The following GRM8 variants were observed in gnomAD, a reference collection of about 807,000 sequenced individuals.
GRM8 encodes glutamate metabotropic receptor 8.
Under a neutral mutation model 87.2 loss-of-function variants are expected in GRM8, and 47 were observed. That is an observed-to-expected ratio of 0.54 (90% CI 0.43 to 0.69). The LOEUF (loss-of-function observed/expected upper bound fraction) is 0.69. GRM8 is among the 30% of genes least tolerant of loss of function. The probability of loss-of-function intolerance (pLI) is 0.00; values close to 1 mark genes in which losing one functional copy is unlikely to be tolerated. For synonymous variants in GRM8, 396 were observed against 404.5 expected, an observed-to-expected ratio of 0.98 and a Z score of 0.25; for missense variants, 1,019 against 1,139.2, an observed-to-expected ratio of 0.89 and a Z score of 1.52.
At chr7:126,585,469 T>A (rs1317054002) in intron 8 of GRM8, among the ~76,000 whole-genome samples, 1 of 152,282 alleles carries the variant, frequency 6.6e-6, no homozygotes, top group South Asian at 2.1e-4. Flanking sequence ...AATCAGCCAA[T>A]TCTTCAATAA....
At chr7:126,852,402 G>A (rs887900507) in intron 6 of GRM8, among the ~76,000 whole-genome samples, 2 of 152,104 alleles carry the variant, frequency 1.3e-5, no homozygotes, top group African/African-American at 4.8e-5. Flanking sequence ...CACAAAAATC[G>A]AAGACAGTAG....
At chr7:126,747,092 T>C (rs142097901) in intron 7 of GRM8, among the ~76,000 whole-genome samples, 2 of 152,036 alleles carry the variant, frequency 1.3e-5, no homozygotes, top group Non-Finnish European at 2.9e-5. Flanking sequence ...CTCCCAACAC[T>C]ATATTACACT....
chr7:127,177,974 C>T (rs1794213348), intron 2 of GRM8, among the ~76,000 whole-genome samples: 1 of 152,154 alleles, frequency 6.6e-6, no homozygotes, highest in East Asian at 1.9e-4. Context: ...CACTAGTTCA[C>T]CAGCAATGGA....
At chr7:126,460,694 C>T (rs754672379) in intron 9 of GRM8, among the ~76,000 whole-genome samples, 15 of 151,460 alleles carry the variant, frequency 9.9e-5, no homozygotes, top group Non-Finnish European at 1.8e-4. Context: ...AGATTATTAC[C>T]GTGACCAGGT....
At position 127,011,414 on chromosome 7, in the gene GRM8, G is replaced by C. The variant is rs909686344; in HGVS notation, c.727+95082C>G. On this transcript the variant is annotated intron_variant, in intron 3 of 10. Coordinates refer to ENST00000339582, the MANE Select transcript of GRM8 (RefSeq NM_000845.3). Reference sequence around the variant, plus strand: ...TAAGCTGTTATCCTTCACAAATATAGTGCTTCCAATTTTTACTAAATTTAT... The same window carrying C: ...TAAGCTGTTATCCTTCACAAATATACTGCTTCCAATTTTTACTAAATTTAT... 3.9e-5 allele frequency among the ~76,000 whole-genome samples: 6 copies of C among 152,074 alleles called. No homozygotes were observed. In the East Asian group the frequency reaches 1.2e-3, roughly 29 times the overall value.
intron 7 of GRM8, among the ~76,000 whole-genome samples, chr7:126,674,967 A>C (rs1806789031): frequency 6.6e-6 from 1 of 152,226 alleles, no homozygotes; most frequent in South Asian, 2.1e-4. Context: ...AGAAGAAAGG[A>C]ACTTCCAGGC....
chr7:126,575,512 T>A (rs1795033549), intron 8 of GRM8, among the ~76,000 whole-genome samples: 1 of 151,990 alleles, frequency 6.6e-6, no homozygotes, highest in African/African-American at 2.4e-5. Context: ...GGAAAAACTG[T>A]CTTCTATGAA....
chr7:126,486,918 C>T (rs1807439778), intron 9 of GRM8, among the ~76,000 whole-genome samples: 1 of 152,016 alleles, frequency 6.6e-6, no homozygotes, highest in African/African-American at 2.4e-5. Flanking sequence ...CAGATAACCA[C>T]AATGTGTTAG....
intron 3 of GRM8, among the ~76,000 whole-genome samples, chr7:127,043,658 A>G (rs1477035650): frequency 3.9e-5 from 6 of 152,182 alleles, no homozygotes; most frequent in Admixed American, 3.3e-4. Flanking sequence ...AGATATACCT[A>G]ATGTTAAATG....
intron 3 of GRM8, among the ~76,000 whole-genome samples, chr7:127,061,495 A>G (rs1345278530): frequency 6.6e-6 from 1 of 152,208 alleles, no homozygotes; most frequent in East Asian, 1.9e-4. Context: ...TTATTTTCCC[A>G]TGGTTACTAG....
chr7:126,627,600 T>G (rs918398424), intron 7 of GRM8, among the ~76,000 whole-genome samples: 6 of 152,166 alleles, frequency 3.9e-5, no homozygotes, highest in Non-Finnish European at 8.8e-5. Context: ...GAAGTGGCAA[T>G]AGTGAACACC....
intron 3 of GRM8, among the ~76,000 whole-genome samples, chr7:127,026,846 C>T (rs1226434439): frequency 2.0e-5 from 3 of 152,058 alleles, no homozygotes; most frequent in South Asian, 4.1e-4. Context: ...TAATTAGATC[C>T]CATTTGTCAA....
At chr7:126,963,927 T>C (rs1809573254) in intron 3 of GRM8, among the ~76,000 whole-genome samples, 1 of 152,078 alleles carries the variant, frequency 6.6e-6, no homozygotes, top group African/African-American at 2.4e-5. Context: ...ACTACAAGGA[T>C]ACAGGAACCA....
intron 6 of GRM8, among the ~76,000 whole-genome samples, chr7:126,839,994 A>G (rs569316237): frequency 1.3e-5 from 2 of 152,330 alleles, no homozygotes; most frequent in South Asian, 4.1e-4. Flanking sequence ...AGTCTGATAA[A>G]TGAAAACATC....
Position 126,741,217 on chromosome 7 carries a change from C to T in GRM8, c.1357+28648G>A, listed in dbSNP as rs373466108. On this transcript the variant is annotated intron_variant, in intron 7 of 10. Transcript: ENST00000339582. ...CTCGGGATCCACTGAATCAGAATTC[C>T]GTAAATCTGTGTGCGTACGTGTGTG... is the stretch of plus-strand genomic sequence containing the variant. 2.0e-4 allele frequency among the ~76,000 whole-genome samples: 30 copies of T among 151,732 alleles called. No individual in the cohort carries two copies. In the East Asian group the frequency reaches 5.2e-3, roughly 27 times the overall value.
At position 126,533,208 on chromosome 7, in the gene GRM8, T is replaced by C. The variant is rs1185685926; in HGVS notation, c.2174A>G (p.Tyr725Cys). The C allele has an allele frequency of 2.5e-6, 4 of 1,612,900 alleles. No homozygotes were observed. The East Asian group carries it at 6.7e-5, about 27-fold the overall frequency. The change falls in exon 9 of 11, where the codon TAT becomes TGT. Residue 725 changes from tyrosine to cysteine, a missense_variant. Physicochemically the swap from Tyr to Cys is radical, Grantham distance 194. Coordinates refer to ENST00000339582, the MANE Select transcript of GRM8 (RefSeq NM_000845.3). ...TGGATCTAGTGTCCGCTGCTCTCCA[T>C]AGTCAATGATGATGTGGGGGGGATC... ...VVDPPHIIID[Y>C]GEQRTLDPEK...
At chr7:126,795,229 C>T (rs951677392) in intron 6 of GRM8, among the ~76,000 whole-genome samples, 4 of 151,980 alleles carry the variant, frequency 2.6e-5, no homozygotes, top group Non-Finnish European at 5.9e-5. Context: ...CTAAAGATAT[C>T]GAAAGATATG....
intron 8 of GRM8, among the ~76,000 whole-genome samples, chr7:126,576,754 T>A (rs1228956140): frequency 1.3e-5 from 2 of 152,204 alleles, no homozygotes; most frequent in Non-Finnish European, 2.9e-5. Flanking sequence ...GTGAGGATCC[T>A]GAGCTCCTGA....
chr7:126,732,502 A>T (rs75785943), intron 7 of GRM8, among the ~76,000 whole-genome samples: 1 of 152,256 alleles, frequency 6.6e-6, no homozygotes, highest in Non-Finnish European at 1.5e-5. Flanking sequence ...AGTGAGGTCA[A>T]CCTCTCTAGC....
Sources: gnomAD v4.1 joint callset for allele counts (sites outside exome capture counted in the v4.1 genomes callset) on GRCh38, gnomAD v4.1.1 for gene constraint, MANE v1.5 for transcripts, NCBI Gene and HGNC (gene_info 2026-07-23, HGNC 2026-07-21) for gene names.